KNTC1: variants seen among roughly 807,000 people sequenced by gnomAD.
KNTC1 encodes kinetochore associated 1, also known as kinetochore-associated protein 1.
Under a neutral mutation model 314.4 loss-of-function variants are expected in KNTC1, and 253 were observed. The observed-to-expected ratio is 0.80, with a 90% CI of 0.73 to 0.89. The LOEUF is 0.89. Among genes scored for constraint, KNTC1 ranks in the 40% least tolerant of loss-of-function variants. The pLI is 0.00. For synonymous variants in KNTC1, 901 were observed against 901.4 expected (o/e 1.00, Z 0.01); for missense variants, 2,475 against 2,572.9 (o/e 0.96, Z 0.82).
intron 3 of KNTC1, among the ~76,000 whole-genome samples, chr12:122,536,475 G>T (rs2137673500): frequency 6.6e-6 from 1 of 150,426 alleles, no homozygotes; most frequent in Non-Finnish European, 1.5e-5. Context: ...GCCCGCCTCG[G>T]CCTCCTGAAG....
At chr12:122,554,593 T>C (rs1593527691) in intron 16 of KNTC1, among the ~76,000 whole-genome samples, 3 of 152,264 alleles carry the variant, frequency 2.0e-5, no homozygotes, top group East Asian at 3.9e-4. Context: ...TTATAGTATT[T>C]ATAATTTACA....
At chr12:122,609,250 TTA>T (rs1469230970) in intron 51 of KNTC1, 132 bp from the exon 52 acceptor site, 11 of 669,880 alleles carry the variant, frequency 1.6e-5, no homozygotes, top group South Asian at 1.4e-4. Context: ...TTTTCATAAT[TTA>T]TGTTATAATT....
intron 2 of KNTC1, among the ~76,000 whole-genome samples, chr12:122,532,587 A>G (rs1429615971): frequency 6.6e-6 from 1 of 152,176 alleles, no homozygotes; most frequent in Non-Finnish European, 1.5e-5. Flanking sequence ...CTGTTGAAAA[A>G]TAATAGTGCA....
At position 122,583,078 on chromosome 12, in the gene KNTC1, G is replaced by A; in HGVS notation, c.3263+93G>A. 15 of 1,136,424 alleles carry A rather than the reference G, an allele frequency of 1.3e-5. No homozygotes were observed. In the South Asian group the frequency reaches 1.4e-4, roughly 11 times the overall value. The allele number at this position is 1,136,424 out of a possible 1,614,324, so 70.4% of individuals were successfully genotyped here. A position where few individuals can be genotyped will look rare whatever the true frequency, so the allele number is the denominator to read the frequency against. On this transcript the variant is annotated intron_variant, in intron 34 of 63. Coordinates refer to ENST00000333479, the MANE Select transcript of KNTC1 (RefSeq NM_014708.6). The stretch of plus-strand genomic sequence containing the variant: ...TGTAATCCCAGCAATTTAGGAGGCC[G>A]AGGCAGGCGGATCACAAGGTCAGGA...
At chr12:122,602,425 A>G in intron 45 of KNTC1, 144 bp from the exon 46 acceptor site, 1 of 580,596 alleles carries the variant, frequency 1.7e-6, no homozygotes, top group Non-Finnish European at 3.0e-6. Context: ...TGTTAAAGAG[A>G]ATACTAGAAA....
chr12:122,610,173 G>T (rs2277346), intron 52 of KNTC1, among the ~76,000 whole-genome samples: 1 of 151,994 alleles, frequency 6.6e-6, no homozygotes, highest in African/African-American at 2.4e-5. Context: ...CTCTGGACCC[G>T]CACCTTGGCC....
chr12:122,620,515 C>A lies in KNTC1; in HGVS notation c.6186C>A (p.Val2062=). The A allele has an allele frequency of 6.2e-7, 1 of 1,613,214 alleles. No homozygotes were observed. Among genetic ancestry groups the A allele is most frequent in the South Asian group, 1.1e-5 (1 of 90,960 alleles). ...PVSGDLDLIG[V]ARQYIQLELP... is the part of the protein sequence containing the mutation. ...CAGGTGATCTTGACCTGATCGGAGT[C>A]GCCAGGCAGTATATCCAGTTAGAAC... Residue 2062 remains valine, a synonymous_variant, in exon 60 of 64, where the codon GTC becomes GTA. Coordinates refer to ENST00000333479, the MANE Select transcript of KNTC1 (RefSeq NM_014708.6).
chr12:122,566,567 G>A (rs779069640), intron 20 of KNTC1, among the ~76,000 whole-genome samples: 5 of 151,358 alleles, frequency 3.3e-5, no homozygotes, highest in Non-Finnish European at 5.9e-5. Flanking sequence ...GCAACACTAC[G>A]TCTGGCTAAT....
Position 122,573,251 on chromosome 12 carries a change from T to G in KNTC1, c.2249T>G (p.Leu750Trp). 6.2e-7 allele frequency: 1 copy of G among 1,613,876 alleles called. No homozygotes were observed. Among genetic ancestry groups the G allele is most frequent in the South Asian group, 1.1e-5 (1 of 91,064 alleles). Residue 750 changes from leucine (L) to tryptophan (W), a missense_variant, in exon 26 of 64, where the codon TTG becomes TGG. Leu to Trp is a moderately conservative substitution (Grantham distance 61). Transcript: ENST00000333479. ...FIRVYMREHD[L>W]QEEELLLLYI... Reference sequence around the variant, plus strand: ...AGAGTTTACATGAGAGAACATGACTTGCAAGAGGAGGAACTTCTCTTGCTG... The same window carrying G: ...AGAGTTTACATGAGAGAACATGACTGGCAAGAGGAGGAACTTCTCTTGCTG...
At chr12:122,529,554 A>G (rs562782682) in intron 1 of KNTC1, among the ~76,000 whole-genome samples, 23 of 152,262 alleles carry the variant, frequency 1.5e-4, no homozygotes, top group South Asian at 4.1e-4. Flanking sequence ...GATAGCATCA[A>G]TGGACTTTTT....
chr12:122,622,423 A>C (rs1364652737), intron 61 of KNTC1, 39 bp from the exon 62 acceptor site: 1 of 1,451,388 alleles, frequency 6.9e-7, no homozygotes, highest in East Asian at 2.3e-5. Flanking sequence ...ATTCTAATAG[A>C]TTAGAAGTCT....
rs752295560 is a variant in KNTC1, at chr12:122,549,764, A to G, written c.988-2A>G. The stretch of plus-strand genomic sequence containing the variant: ...AATTAATTGCTCTGCTATTTTTCTT[A>G]GATGAAAAACCTCATGGTTTATTCA... On this transcript the variant is annotated splice_acceptor_variant, in intron 12 of 63. Coordinates refer to ENST00000333479, the MANE Select transcript of KNTC1 (RefSeq NM_014708.6). LOFTEE classifies it high-confidence loss of function. The G allele has an allele frequency of 7.2e-7, 1 of 1,395,810 alleles. No homozygotes were observed. Among genetic ancestry groups the G allele is most frequent in the South Asian group, 1.2e-5 (1 of 81,650 alleles). The allele number at this position is 1,395,810 out of a possible 1,614,324, so 86.5% of individuals were successfully genotyped here.
chr12:122,602,944 G>A (rs1356853097), intron 47 of KNTC1, 57 bp downstream of exon 47: 14 of 1,542,504 alleles, frequency 9.1e-6, no homozygotes, highest in African/African-American at 5.5e-5. Flanking sequence ...TTCTGACCCC[G>A]TATAGAAGAT....
chr12:122,527,701 CTCTCTCCCTCACTGTCT>C (rs1487610709), intron 1 of KNTC1: 1 of 152,306 alleles, frequency 6.6e-6, no homozygotes, highest in African/African-American at 2.4e-5. Context: ...GACTCCACTG[CTCTCTCCCTCACTGTCT>C]TCTGCTTTTG....
At chr12:122,619,832 C>G (rs868437913) in intron 59 of KNTC1, among the ~76,000 whole-genome samples, 26 of 152,144 alleles carry the variant, frequency 1.7e-4, no homozygotes, top group African/African-American at 6.0e-4. Context: ...GCATAGAGTA[C>G]TTTTGGTGAC....
At position 122,622,591 on chromosome 12, in the gene KNTC1, T is replaced by A; in HGVS notation, c.6499T>A (p.Leu2167Met). 6.5e-7 allele frequency: 1 copy of A among 1,542,368 alleles called. No individual in the cohort carries two copies. The highest frequency in any genetic ancestry group is 8.7e-7 in the Non-Finnish European group (1 of 1,145,420). ...CAATATCACTGAGCTAGTGAACTAT[T>A]TGGCAAATGACTTAAGGTAAGTTAA... ...TNNITELVNY[L>M]ANDLSLDEAS... is the part of the protein sequence containing the mutation. Residue 2167 changes from leucine (L) to methionine (M), a missense_variant, in exon 62 of 64, where the codon TTG becomes ATG. Transcript: ENST00000333479.
Position 122,617,005 on chromosome 12 carries a change from G to A in KNTC1, c.6031-1338G>A, listed in dbSNP as rs183902208. The stretch of plus-strand genomic sequence containing the variant: ...CCACACTATGTGGGATTTTGTGTCC[G>A]GCTTCTTTCACTCAGCATCCACATT... On this transcript the variant is annotated intron_variant, in intron 57 of 63. Coordinates refer to ENST00000333479, the MANE Select transcript of KNTC1 (RefSeq NM_014708.6). Among the ~76,000 whole-genome samples, 544 of 152,186 alleles carry A rather than the reference G, an allele frequency of 3.6e-3. 4 individuals carry two copies. The highest frequency in any genetic ancestry group is 6.0e-3 in the South Asian group (29 of 4,814).
intron 6 of KNTC1, among the ~76,000 whole-genome samples, chr12:122,543,101 C>T (rs147962382): frequency 0.019 from 2,921 of 152,048 alleles, 47 homozygotes; most frequent in Non-Finnish European, 0.031. Flanking sequence ...TTACTAGAGG[C>T]GGGGTTTCAC....
rs61751319 is a variant in KNTC1, at chr12:122,530,103, G to A, written c.40G>A (p.Gly14Arg). 57 of 1,613,612 alleles carry A rather than the reference G, an allele frequency of 3.5e-5. No homozygotes were observed. Among genetic ancestry groups the A allele is most frequent in the Non-Finnish European group, 4.6e-5 (54 of 1,179,716 alleles). ...DIELLTNDDT[G>R]SGYLSVGSRK... ...TGAGCTGCTAACAAATGATGATACC[G>A]GAAGTGGGTACCTGAGTGTCGGTTC... is the stretch of plus-strand genomic sequence containing the variant. The change falls in exon 2 of 64, where the codon GGA (glycine) becomes AGA (arginine). Residue 14 changes from glycine to arginine, a missense_variant. By Grantham distance (125) the Gly-to-Arg change is moderately radical (BLOSUM62 -2). Coordinates refer to ENST00000333479, the MANE Select transcript of KNTC1 (RefSeq NM_014708.6).
Sources: allele counts gnomAD v4.1 joint callset (sites outside exome capture counted in the v4.1 genomes callset), GRCh38; gene constraint gnomAD v4.1.1; transcripts MANE v1.5; gene names NCBI Gene and HGNC (gene_info 2026-07-23, HGNC 2026-07-21).